Variants in DCAF8L2 observed in about 807,000 individuals in gnomAD.
DCAF8L2 encodes DDB1- and CUL4-associated factor 8-like protein 2.
For missense variants in DCAF8L2, 430 were observed against 490.7 expected, an observed-to-expected ratio of 0.88 and a Z score of 1.17; for synonymous variants, 200 against 190.9, an observed-to-expected ratio of 1.05 and a Z score of -0.39.
intron 3 of DCAF8L2, among the ~76,000 whole-genome samples, chrX:27,701,889 A>AG (rs1389764995): frequency 1.6e-5 from 1 of 61,832 alleles, no homozygotes; most frequent in African/African-American, 7.4e-5. Flanking sequence ...CAGAGATTAG[A>AG]GAAAAAAAAG....
At chrX:27,590,926 G>A (rs1401255961) in intron 1 of DCAF8L2, among the ~76,000 whole-genome samples, 4 of 101,426 alleles carry the variant, frequency 3.9e-5, no homozygotes, top group African/African-American at 1.4e-4. Context: ...TTACAGGTAT[G>A]AGCCACCACA....
At chrX:27,673,388 GT>G (rs1359829123) in intron 2 of DCAF8L2, among the ~76,000 whole-genome samples, 2 of 106,365 alleles carry the variant, frequency 1.9e-5, no homozygotes, top group Non-Finnish European at 3.9e-5. Flanking sequence ...GTTGCCTGTA[GT>G]CCCAGCTACT....
At chrX:27,736,855 C>T (rs1291763633) in intron 4 of DCAF8L2, among the ~76,000 whole-genome samples, 1 of 110,735 alleles carries the variant, frequency 9.0e-6, no homozygotes, top group African/African-American at 3.3e-5. Context: ...TTTTTCCAGT[C>T]TCATTCTCTC....
chrX:27,693,623 TTAA>T (rs1317391818), intron 3 of DCAF8L2, among the ~76,000 whole-genome samples: 35 of 111,525 alleles, frequency 3.1e-4, no homozygotes, highest in African/African-American at 1.1e-3. Context: ...AATGGGGTCA[TTAA>T]TAATCTGAGA....
chrX:27,534,629 C>T, the DCAF8L2 span, among the ~76,000 whole-genome samples: 56 of 111,681 alleles, frequency 5.0e-4, no homozygotes, highest in African/African-American at 1.4e-3. Flanking sequence ...CGTGAGAAAC[C>T]GTATTTCTTG....
At chrX:27,736,840 AT>A (rs200331456) in intron 4 of DCAF8L2, among the ~76,000 whole-genome samples, 9,333 of 110,153 alleles carry the variant, frequency 0.085, 629 homozygotes, top group African/African-American at 0.23. Context: ...AGCCTAAAAT[AT>A]TTTTTTTTCC....
chrX:27,591,469 T>A (rs762399826), intron 1 of DCAF8L2, among the ~76,000 whole-genome samples: 11 of 111,305 alleles, frequency 9.9e-5, no homozygotes, highest in Non-Finnish European at 1.3e-4. Context: ...GGCAGTAAGT[T>A]GTTGCTTCTC....
chrX:27,479,444 G>A, the DCAF8L2 span, among the ~76,000 whole-genome samples: 2 of 111,484 alleles, frequency 1.8e-5, no homozygotes. Flanking sequence ...AAGGCACTAA[G>A]ATTTGGGGTA....
intron 1 of DCAF8L2, among the ~76,000 whole-genome samples, chrX:27,613,427 A>G (rs1927289375): frequency 1.8e-5 from 2 of 111,173 alleles, no homozygotes; most frequent in African/African-American, 6.6e-5. Context: ...TCTTTTCCTA[A>G]TTGAATACCC....
intron 2 of DCAF8L2, 107 bp downstream of exon 2, chrX:27,632,107 C>T (rs900965833): frequency 2.2e-4 from 25 of 111,583 alleles, no homozygotes; most frequent in African/African-American, 6.9e-4. Context: ...CTCTTCTTCC[C>T]TCAAGCAGAA....
chrX:27,544,811 G>A, the DCAF8L2 span, among the ~76,000 whole-genome samples: 1 of 111,406 alleles, frequency 9.0e-6, no homozygotes, highest in African/African-American at 3.3e-5. Flanking sequence ...GTATTTATTA[G>A]GAGCCCACTG....
chrX:27,514,566 G>A, the DCAF8L2 span, among the ~76,000 whole-genome samples: 1 of 100,129 alleles, frequency 1.0e-5, no homozygotes, highest in African/African-American at 3.6e-5. Flanking sequence ...CTACTTGGGA[G>A]GCTGAGGCAG....
chrX:27,658,731 TATTC>T lies in DCAF8L2; in HGVS notation c.-219-19103_-219-19100del, dbSNP rs1314131993. Among the ~76,000 whole-genome samples the T allele has an allele frequency of 6.3e-4, 71 of 112,150 alleles. 1 individual carries two copies. The highest frequency in any genetic ancestry group is 2.2e-3 in the African/African-American group (69 of 30,867). On this transcript the variant is annotated intron_variant, in intron 2 of 4. Transcript: ENST00000451261. ...AGTATTATGAGCTTTTACACCACTG[TATTC>T]AAACAGCACAACAGCACTGGGTTTG...
chrX:27,512,447 G>C, the DCAF8L2 span, among the ~76,000 whole-genome samples: 14 of 109,843 alleles, frequency 1.3e-4, no homozygotes, highest in African/African-American at 4.7e-4. Flanking sequence ...ACTTTGGGGG[G>C]CCGAGTCCAG....
the DCAF8L2 span, among the ~76,000 whole-genome samples, chrX:27,489,190 T>C: frequency 0.21 from 23,379 of 111,119 alleles, 2,286 homozygotes; most frequent in East Asian, 0.37. Flanking sequence ...CTCTGCCTCC[T>C]GGGTTCACCC....
the DCAF8L2 span, among the ~76,000 whole-genome samples, chrX:27,474,012 G>A: frequency 6.3e-5 from 7 of 110,753 alleles, no homozygotes; most frequent in Non-Finnish European, 1.1e-4. Flanking sequence ...CTAATGTTCA[G>A]GCTCAATTGG....
chrX:27,729,505 C>T (rs540372970), intron 4 of DCAF8L2, among the ~76,000 whole-genome samples: 1 of 111,679 alleles, frequency 9.0e-6, no homozygotes, highest in Non-Finnish European at 1.9e-5. Flanking sequence ...CCTGCTGTAG[C>T]AGAATACCAT....
the DCAF8L2 span, among the ~76,000 whole-genome samples, chrX:27,540,920 G>A: frequency 8.9e-6 from 1 of 111,885 alleles, no homozygotes; most frequent in Non-Finnish European, 1.9e-5. Context: ...GAAACAGATT[G>A]AATGTAAGAC....
intron 2 of DCAF8L2, among the ~76,000 whole-genome samples, chrX:27,673,695 T>C (rs1175550549): frequency 9.2e-6 from 1 of 108,217 alleles, no homozygotes; most frequent in African/African-American, 3.4e-5. Context: ...ATATACGTGG[T>C]TGTGTGTATA....
Sources: gnomAD v4.1 joint callset for allele counts (sites outside exome capture counted in the v4.1 genomes callset) on GRCh38, gnomAD v4.1.1 for gene constraint, MANE v1.5 for transcripts, NCBI Gene and HGNC (gene_info 2026-07-23, HGNC 2026-07-21) for gene names.